Variants in OSTN observed in about 807,000 individuals in gnomAD.
OSTN encodes osteocrin.
Under a neutral mutation model 12.0 loss-of-function variants are expected in OSTN, and 9 were observed. That is an observed-to-expected ratio of 0.75 (90% CI 0.45 to 1.30). The LOEUF is 1.30. OSTN is among the 50% of genes most tolerant of loss of function. OSTN has a pLI of 0.00. For synonymous variants in OSTN, 59 were observed against 56.9 expected (o/e 1.04, Z -0.16); for missense variants, 148 against 152.3 (o/e 0.97, Z 0.15).
rs1163095159 is a variant in OSTN at position 191,242,865 on chromosome 3, AAAG to A, written c.318-7167_318-7165del. Among the ~76,000 whole-genome samples the A allele has an allele frequency of 5.9e-5, 9 of 152,308 alleles. No individual in the cohort carries two copies. The East Asian group carries it at 1.7e-3, about 29-fold the overall frequency. The stretch of plus-strand genomic sequence containing the variant: ...CAAAGATTTTTTAAAAAATCACAAT[AAAG>A]AAGATGAATCACAGATGGGAGTAGA... On this transcript the variant is annotated intron_variant, in intron 3 of 4. Coordinates refer to ENST00000682035, the MANE Select transcript of OSTN (RefSeq NM_198184.2).
chr3:191,208,322 C>G (rs1233647799), intron 1 of OSTN, among the ~76,000 whole-genome samples: 1 of 152,126 alleles, frequency 6.6e-6, no homozygotes, highest in African/African-American at 2.4e-5. Flanking sequence ...TTTTCCTTTC[C>G]TCCCTATAAT....
At chr3:191,246,994 A>G (rs1041292280) in intron 3 of OSTN, among the ~76,000 whole-genome samples, 1 of 152,246 alleles carries the variant, frequency 6.6e-6, no homozygotes, top group African/African-American at 2.4e-5. Flanking sequence ...TCCTGTCTGC[A>G]AAATGCATTT....
At chr3:191,248,037 T>A (rs897466663) in intron 3 of OSTN, among the ~76,000 whole-genome samples, 3 of 152,160 alleles carry the variant, frequency 2.0e-5, no homozygotes, top group African/African-American at 7.2e-5. Flanking sequence ...TTTCACCATG[T>A]TGGCCAGGCT....
intron 3 of OSTN, among the ~76,000 whole-genome samples, chr3:191,229,437 A>T (rs552393028): frequency 1.0e-3 from 158 of 152,340 alleles, no homozygotes; most frequent in Non-Finnish European, 1.8e-3. Flanking sequence ...CATGATTTTT[A>T]AAAAAATAAT....
In OSTN at chr3:191,264,887, G is replaced by A. The variant is rs1372405607; in HGVS notation, c.*2034G>A. 6.6e-6 allele frequency: 1 copy of A among 152,046 alleles called. No homozygotes were observed. Among genetic ancestry groups the A allele is most frequent in the Non-Finnish European group, 1.5e-5 (1 of 67,962 alleles). The allele number at this position is 152,046 out of a possible 1,614,324, so 9.4% of individuals were successfully genotyped here. On this transcript the variant is annotated 3_prime_UTR_variant, in exon 5 of 5. Coordinates refer to ENST00000682035, the MANE Select transcript of OSTN (RefSeq NM_198184.2). ...TTCTTTATTTTTTAATTCAAAATTA[G>A]ACTATGACATCCAACTTAATTAAAA... is the stretch of plus-strand genomic sequence containing the variant.
intron 4 of OSTN, among the ~76,000 whole-genome samples, chr3:191,255,322 C>T (rs146825230): frequency 0.021 from 3,264 of 152,204 alleles, 61 homozygotes; most frequent in Middle Eastern, 0.085. Context: ...TGTGCTGGTC[C>T]GCAACCCGGA....
At chr3:191,262,469 T>C (rs1715833916) in intron 4 of OSTN, among the ~76,000 whole-genome samples, 1 of 152,202 alleles carries the variant, frequency 6.6e-6, no homozygotes, top group Non-Finnish European at 1.5e-5. Flanking sequence ...CAACTTTCAA[T>C]GTGTTATAAT....
chr3:191,219,556 C>T (rs1185405641), intron 3 of OSTN, among the ~76,000 whole-genome samples: 1 of 152,170 alleles, frequency 6.6e-6, no homozygotes, highest in Non-Finnish European at 1.5e-5. Flanking sequence ...AATGTAAGTG[C>T]TTCATAGAAT....
chr3:191,201,093 T>TTTTA (rs922002225), intron 1 of OSTN, among the ~76,000 whole-genome samples: 13 of 152,140 alleles, frequency 8.5e-5, no homozygotes, highest in African/African-American at 2.4e-4. Context: ...AGGCTTCATT[T>TTTTA]TTTATTTATT....
intron 1 of OSTN, 113 bp from the exon 2 acceptor site, chr3:191,212,420 A>G (rs1714481240): frequency 2.3e-6 from 1 of 432,376 alleles, no homozygotes; most frequent in African/African-American, 2.0e-5. Context: ...AAATATACTG[A>G]AGCCGAATAA....
chr3:191,235,488 T>C (rs1033304114), intron 3 of OSTN, among the ~76,000 whole-genome samples: 1 of 152,154 alleles, frequency 6.6e-6, no homozygotes, highest in African/African-American at 2.4e-5. Flanking sequence ...CTTGACATAA[T>C]ATCATGACCT....
Position 191,218,974 on chromosome 3 carries a change from A to G in OSTN, c.317+13A>G. ...AAGGTAAACAGAGGTAAGTGAACTC[A>G]GAAAAAGAAAGTTTTTATTTTCTAA... On this transcript the variant is annotated intron_variant, in intron 3 of 4. Transcript: ENST00000682035. 4 of 1,580,736 alleles carry G rather than the reference A, an allele frequency of 2.5e-6. No individual in the cohort carries two copies. The highest frequency in any genetic ancestry group is 3.4e-6 in the Non-Finnish European group (4 of 1,164,286).
rs947804908 is a variant in OSTN at position 191,263,983 on chromosome 3, A to G, written c.*1130A>G. On this transcript the variant is annotated 3_prime_UTR_variant, in exon 5 of 5. Coordinates refer to ENST00000682035, the MANE Select transcript of OSTN (RefSeq NM_198184.2). ...ACTTTCTATGGAACAGAGATTCATC[A>G]TAAGTTACTTAGCAGAAGTTTATAA... is the stretch of plus-strand genomic sequence containing the variant. 1 of 152,158 alleles carries G rather than the reference A, an allele frequency of 6.6e-6. No individual in the cohort carries two copies. Among genetic ancestry groups the G allele is most frequent in the Non-Finnish European group, 1.5e-5 (1 of 67,994 alleles). 9.4% of individuals were successfully genotyped at this position (152,158 alleles called of 1,614,324 possible). A position where few individuals can be genotyped will look rare whatever the true frequency, so the allele number is the denominator to read the frequency against.
chr3:191,235,568 A>G (rs1715167824), intron 3 of OSTN, among the ~76,000 whole-genome samples: 1 of 152,206 alleles, frequency 6.6e-6, no homozygotes, highest in South Asian at 2.1e-4. Flanking sequence ...TGGGGGTCAC[A>G]TAACCCCCAG....
Position 191,264,106 on chromosome 3 carries a change from A to G in OSTN, c.*1253A>G, listed in dbSNP as rs1211111591. ...CAGTAGAGCAAAGGCTTATTTCAGC[A>G]TAAAAAGAGAGTGTTGTGAGTTGTG... is the stretch of plus-strand genomic sequence containing the variant. On this transcript the variant is annotated 3_prime_UTR_variant, in exon 5 of 5. Coordinates refer to ENST00000682035, the MANE Select transcript of OSTN (RefSeq NM_198184.2). The G allele has an allele frequency of 1.3e-5, 2 of 152,170 alleles. No individual in the cohort carries two copies. The highest frequency in any genetic ancestry group is 6.5e-5 in the Admixed American group (1 of 15,280). 9.4% of individuals were successfully genotyped at this position (152,170 alleles called of 1,614,324 possible).
chr3:191,200,670 T>G (rs114610776), intron 1 of OSTN, among the ~76,000 whole-genome samples: 100 of 152,168 alleles, frequency 6.6e-4, no homozygotes, highest in African/African-American at 2.3e-3. Context: ...AAAATAGAAG[T>G]GCTAGGGATA....
chr3:191,219,087 G>T, intron 3 of OSTN, 126 bp downstream of exon 3: 1 of 852,524 alleles, frequency 1.2e-6, no homozygotes, highest in South Asian at 1.9e-5. Flanking sequence ...TTGACGGTAT[G>T]TTAGCTAATC....
chr3:191,258,265 C>T (rs6444521), intron 4 of OSTN, among the ~76,000 whole-genome samples: 118,938 of 152,200 alleles, frequency 0.78, 46,830 homozygotes, highest in African/African-American at 0.88. Context: ...GCTTTTAATT[C>T]AGTCTGTGTT....
At chr3:191,213,562 T>G (rs893316217) in intron 2 of OSTN, among the ~76,000 whole-genome samples, 26 of 152,258 alleles carry the variant, frequency 1.7e-4, no homozygotes, top group Non-Finnish European at 2.6e-4. Flanking sequence ...TGCCAAAATT[T>G]GAGTAGTTTT....
Sources: gnomAD v4.1 joint callset for allele counts (sites outside exome capture counted in the v4.1 genomes callset) on GRCh38, gnomAD v4.1.1 for gene constraint, MANE v1.5 for transcripts, NCBI Gene and HGNC (gene_info 2026-07-23, HGNC 2026-07-21) for gene names.